MPP2: variants seen among roughly 807,000 people sequenced by gnomAD.
MPP2 encodes MAGUK p55 scaffold protein 2, also known as MAGUK p55 subfamily member 2.
Under a neutral mutation model 58.5 loss-of-function variants are expected in MPP2, and 42 were observed. The observed-to-expected ratio is 0.72, with a 90% confidence interval of 0.56 to 0.93. The LOEUF is 0.93. MPP2 is among the 40% of genes least tolerant of loss of function. The pLI is 0.00. For missense variants in MPP2, 632 were observed against 760.4 expected (o/e 0.83, Z 1.99); for synonymous variants, 300 against 307.8 (o/e 0.97, Z 0.26).
chr17:43,893,256 T>C (rs1031464686), intron 3 of MPP2, among the ~76,000 whole-genome samples: 16 of 152,232 alleles, frequency 1.1e-4, no homozygotes, highest in Non-Finnish European at 2.1e-4. Flanking sequence ...CCAGAGGTGA[T>C]GTGGGCTCAT....
Position 43,879,828 on chromosome 17 carries a change from C to T in MPP2, c.1307G>A (p.Gly436Asp). 1 of 1,613,962 alleles carries T rather than the reference C, an allele frequency of 6.2e-7. No homozygotes were observed. Reference sequence around the variant, plus strand: ...GCACACCTTCCCAGCAGCGACCACGCCCCGGATGGAGTCAATACGTGTGCC... The same window carrying T: ...GCACACCTTCCCAGCAGCGACCACGTCCCGGATGGAGTCAATACGTGTGCC... ...LYGTRIDSIR[G>D]VVAAGKVCVL... Residue 436 changes from glycine (G) to aspartate (D), a missense_variant, in exon 11 of 13, where the codon GGC becomes GAC. Transcript: ENST00000269095. This position sits in a 1 kb window ranked among gnomAD's most constrained non-coding sequence, Gnocchi z 4.1.
intron 3 of MPP2, among the ~76,000 whole-genome samples, chr17:43,886,190 TTTTA>T (rs2047361952): frequency 6.6e-6 from 1 of 152,138 alleles, no homozygotes; most frequent in Admixed American, 6.6e-5. Context: ...ACCCTAGGGC[TTTTA>T]TTTAACTGGT....
In MPP2 at chr17:43,887,047, A is replaced by T. The variant is rs1235279185; in HGVS notation, c.151-3692T>A. Among the ~76,000 whole-genome samples, 21 of 63,338 alleles carry T rather than the reference A, an allele frequency of 3.3e-4. No homozygotes were observed. In the Admixed American group the frequency reaches 4.6e-3, roughly 14 times the overall value. The allele number at this position is 63,338 out of a possible 152,430, so 41.6% of individuals were successfully genotyped here. A position where few individuals can be genotyped will look rare whatever the true frequency, so the allele number is the denominator to read the frequency against. On this transcript the variant is annotated intron_variant, in intron 3 of 12. Coordinates refer to ENST00000269095, the MANE Select transcript of MPP2 (RefSeq NM_005374.5). ...TTGACTCTGCTTGTGGTGTTTTTGC[A>T]TGCAAAAAAAAAAAAAAAATTTAGG... is the stretch of plus-strand genomic sequence containing the variant.
chr17:43,892,682 G>T (rs576300624), intron 3 of MPP2, among the ~76,000 whole-genome samples: 1 of 152,090 alleles, frequency 6.6e-6, no homozygotes, highest in South Asian at 2.1e-4. Flanking sequence ...GGGAAGAAAC[G>T]TCCATACTCT....
In MPP2 at chr17:43,876,263, T is replaced by C. The variant is rs1822482246; in HGVS notation, c.*1544A>G. 6.6e-6 allele frequency: 1 copy of C among 152,668 alleles called. No individual in the cohort carries two copies. Among genetic ancestry groups the C allele is most frequent in the Admixed American group, 6.5e-5 (1 of 15,282 alleles). 9.5% of individuals were successfully genotyped at this position (152,668 alleles called of 1,614,324 possible). On this transcript the variant is annotated 3_prime_UTR_variant, in exon 13 of 13. Coordinates refer to ENST00000269095, the MANE Select transcript of MPP2 (RefSeq NM_005374.5). ...GGCTGACGCTGCAGCGAAGACTAGTTAGACACTTGGAAGAACTGGGAGGCA... is the reference window on the plus strand; with the variant it reads ...GGCTGACGCTGCAGCGAAGACTAGTCAGACACTTGGAAGAACTGGGAGGCA...
intron 1 of MPP2, chr17:43,907,241 C>T (rs946348796): frequency 7.6e-5 from 75 of 985,446 alleles, no homozygotes; most frequent in Non-Finnish European, 8.9e-5. Context: ...TTTGGAGCCC[C>T]TACCGCAGGG....
chr17:43,883,162 C>G lies in MPP2; in HGVS notation c.303+41G>C, dbSNP rs1249680010. On this transcript the variant is annotated intron_variant, in intron 4 of 12. Transcript: ENST00000269095. ...CCAACAGCAGCATGCCCCAGTCCACCCACCTCCTGCTCCCTCACCCCAGCC... is the reference window on the plus strand; with the variant it reads ...CCAACAGCAGCATGCCCCAGTCCACGCACCTCCTGCTCCCTCACCCCAGCC... 2.5e-6 allele frequency: 4 copies of G among 1,570,676 alleles called. No individual in the cohort carries two copies. In the Admixed American group the frequency reaches 7.2e-5, roughly 28 times the overall value.
chr17:43,878,204 A>G (rs942905986), intron 12 of MPP2, among the ~76,000 whole-genome samples: 2 of 152,196 alleles, frequency 1.3e-5, no homozygotes, highest in Non-Finnish European at 2.9e-5. Flanking sequence ...ATAACTGCCA[A>G]TCACACCCCT....
intron 3 of MPP2, among the ~76,000 whole-genome samples, chr17:43,886,749 T>A (rs959642985): frequency 6.6e-6 from 1 of 152,200 alleles, no homozygotes; most frequent in Non-Finnish European, 1.5e-5. Flanking sequence ...AACATTTGCA[T>A]GTCTGCCAAT....
At chr17:43,881,425 AC>A (rs1443206948) in intron 7 of MPP2, 32 bp downstream of exon 7, 2 of 1,613,826 alleles carry the variant, frequency 1.2e-6, no homozygotes, top group Non-Finnish European at 1.7e-6. Context: ...CATGCACCAT[AC>A]CTGGAGAGAT....
At chr17:43,899,072 C>T (rs886996740) in intron 2 of MPP2, among the ~76,000 whole-genome samples, 30 of 152,078 alleles carry the variant, frequency 2.0e-4, no homozygotes, top group Admixed American at 1.9e-3. Flanking sequence ...ACAGGGAAAC[C>T]CTGTCTCTAC....
At chr17:43,894,677 G>A (rs1051741311) in intron 3 of MPP2, among the ~76,000 whole-genome samples, 2 of 147,734 alleles carry the variant, frequency 1.4e-5, no homozygotes, top group African/African-American at 5.0e-5. Flanking sequence ...GGTGGCTCAT[G>A]CCTATAATCC....
chr17:43,893,517 C>T (rs1004314873), intron 3 of MPP2, among the ~76,000 whole-genome samples: 5 of 152,172 alleles, frequency 3.3e-5, no homozygotes, highest in Non-Finnish European at 5.9e-5. Flanking sequence ...GGGTCCCCAA[C>T]CCCCAAGCCA....
chr17:43,882,674 C>CT (rs377215420), intron 5 of MPP2, among the ~76,000 whole-genome samples, 163 bp from the exon 6 acceptor site: 10 of 139,812 alleles, frequency 7.2e-5, no homozygotes, highest in African/African-American at 2.6e-4. Flanking sequence ...ACAGCAGGTA[C>CT]TAATGAGGGG....
At chr17:43,908,396 A>G (rs1567910961), upstream of MPP2, among the ~76,000 whole-genome samples, 1 of 152,188 alleles carries the variant, frequency 6.6e-6, no homozygotes, top group Non-Finnish European at 1.5e-5. Flanking sequence ...AAAATGTGAG[A>G]GTCATCCCTT....
chr17:43,901,610 G>GTAAC (rs2048099970), intron 2 of MPP2: 2 of 983,860 alleles, frequency 2.0e-6, no homozygotes, highest in African/African-American at 3.5e-5. Flanking sequence ...CACCAGGACA[G>GTAAC]TAACCCAGGG....
chr17:43,879,475 G>A lies in MPP2; in HGVS notation c.1354-72C>T, dbSNP rs1367044628. On this transcript the variant is annotated intron_variant, in intron 11 of 12. Transcript: ENST00000269095. The surrounding 1 kb of genome is among the most constrained non-coding windows in gnomAD (Gnocchi z 4.1). ...CTAGGAACCAGAGAAAGGCTGTGAG[G>A]GTAACTGGGGTTGGGGTGAGCACTT... The A allele has an allele frequency of 5.6e-5, 88 of 1,585,112 alleles. No individual in the cohort carries two copies. The highest frequency in any genetic ancestry group is 1.7e-4 in the Middle Eastern group (1 of 5,978).
Position 43,880,134 on chromosome 17 carries a change from A to G in MPP2, c.1151-150T>C, listed in dbSNP as rs907516444. 1 of 698,766 alleles carries G rather than the reference A, an allele frequency of 1.4e-6. No individual in the cohort carries two copies. Among genetic ancestry groups the G allele is most frequent in the Non-Finnish European group, 2.4e-6 (1 of 409,852 alleles). The allele number at this position is 698,766 out of a possible 1,614,324, so 43.3% of individuals were successfully genotyped here. A position where few individuals can be genotyped will look rare whatever the true frequency, so the allele number is the denominator to read the frequency against. On this transcript the variant is annotated intron_variant, in intron 10 of 12. Coordinates refer to ENST00000269095, the MANE Select transcript of MPP2 (RefSeq NM_005374.5). This position sits in a 1 kb window ranked among gnomAD's most constrained non-coding sequence, Gnocchi z 5.2. ...TGCCAGCACTGCTGCCTTTGCACAC[A>G]CCTGCCCCCCACTCTCCCCATTGGC...
chr17:43,909,528 CA>C, upstream of MPP2: 1 of 1,359,994 alleles, frequency 7.4e-7, no homozygotes, highest in Non-Finnish European at 9.6e-7. Flanking sequence ...ACTTCTTAAT[CA>C]AGCAATTATT....
Sources: gnomAD v4.1 joint callset for allele counts (sites outside exome capture counted in the v4.1 genomes callset) on GRCh38, gnomAD v4.1.1 for gene constraint, Gnocchi (gnomAD v3.1) non-coding constraint, MANE v1.5 for transcripts, NCBI Gene and HGNC (gene_info 2026-07-23, HGNC 2026-07-21) for gene names.